AUTS2: variants seen among roughly 807,000 people sequenced by gnomAD.
The protein encoded by AUTS2 is activator of transcription and developmental regulator AUTS2, also known as autism susceptibility gene 2 protein.
AUTS2 carries 17 observed loss-of-function variants against 112.4 expected under a neutral mutation model. The ratio of observed to expected loss-of-function variants is 0.15; its 90% CI spans 0.10 to 0.23. The LOEUF is 0.23. AUTS2 is among the 10% of genes least tolerant of loss of function. The pLI is 1.00. For missense variants in AUTS2, 1,510 were observed against 1,701.6 expected, an observed-to-expected ratio of 0.89 and a Z score of 1.98; for synonymous variants, 751 against 702.7, an observed-to-expected ratio of 1.07 and a Z score of -1.09.
At chr7:70,585,998 G>T (rs909888636) in intron 5 of AUTS2, among the ~76,000 whole-genome samples, 7 of 151,992 alleles carry the variant, frequency 4.6e-5, no homozygotes, top group African/African-American at 1.7e-4. Flanking sequence ...AAGTAGCTGG[G>T]ATTACAAGCA....
chr7:70,004,377 T>C (rs1042908164), intron 2 of AUTS2, among the ~76,000 whole-genome samples: 3 of 117,904 alleles, frequency 2.5e-5, no homozygotes, highest in Non-Finnish European at 5.0e-5. Flanking sequence ...TATATATTCA[T>C]ATATATATTA....
intron 2 of AUTS2, among the ~76,000 whole-genome samples, chr7:69,957,542 T>C (rs989389247): frequency 3.3e-5 from 5 of 152,208 alleles, no homozygotes; most frequent in African/African-American, 1.2e-4. Flanking sequence ...TTTTATGATA[T>C]ATGTGATATA....
intron 1 of AUTS2, among the ~76,000 whole-genome samples, chr7:69,708,279 A>G (rs1006615854): frequency 6.6e-6 from 1 of 150,660 alleles, no homozygotes; most frequent in Non-Finnish European, 1.5e-5. Flanking sequence ...TTCTTTTTTC[A>G]TGGATGATCG....
chr7:70,478,620 G>A (rs181637992), intron 5 of AUTS2, among the ~76,000 whole-genome samples: 10 of 152,086 alleles, frequency 6.6e-5, no homozygotes, highest in East Asian at 5.8e-4. Context: ...CACCACCAAC[G>A]TCATCCACCT....
chr7:69,807,374 A>T (rs1172233164), intron 1 of AUTS2, among the ~76,000 whole-genome samples: 1 of 152,190 alleles, frequency 6.6e-6, no homozygotes, highest in Non-Finnish European at 1.5e-5. Context: ...ACCATCTTAA[A>T]ACAGCAAACT....
chr7:70,060,848 C>G (rs1054772564), intron 2 of AUTS2, among the ~76,000 whole-genome samples: 2 of 152,182 alleles, frequency 1.3e-5, no homozygotes, highest in Admixed American at 1.3e-4. Context: ...GCTGCATTCC[C>G]CAGCCTCCCT....
At chr7:70,440,934 CACA>C (rs1284653467) in intron 5 of AUTS2, among the ~76,000 whole-genome samples, 2 of 152,162 alleles carry the variant, frequency 1.3e-5, no homozygotes, top group African/African-American at 4.8e-5. Flanking sequence ...AATTTTGGTA[CACA>C]ACTGGTTTTG....
chr7:69,921,127 T>C (rs185349731), intron 2 of AUTS2, among the ~76,000 whole-genome samples: 17 of 152,314 alleles, frequency 1.1e-4, no homozygotes, highest in African/African-American at 4.1e-4. Context: ...TGGTTTGTTT[T>C]CTTATTGTTA....
intron 4 of AUTS2, among the ~76,000 whole-genome samples, chr7:70,323,537 G>T: frequency 6.6e-6 from 1 of 152,138 alleles, no homozygotes; most frequent in Non-Finnish European, 1.5e-5. Context: ...GGTAAAATGG[G>T]TTATGATTTT....
intron 2 of AUTS2, among the ~76,000 whole-genome samples, chr7:70,108,122 T>C (rs1804871211): frequency 6.6e-6 from 1 of 152,138 alleles, no homozygotes; most frequent in South Asian, 2.1e-4. Context: ...TTTAGTGACA[T>C]ATAGTTTATT....
At chr7:69,944,173 A>G (rs1796724959) in intron 2 of AUTS2, among the ~76,000 whole-genome samples, 1 of 152,214 alleles carries the variant, frequency 6.6e-6, no homozygotes, top group African/African-American at 2.4e-5. Flanking sequence ...CAGATGGCAT[A>G]GAAACTCGAC....
At chr7:70,301,373 T>C (rs988104547) in intron 4 of AUTS2, among the ~76,000 whole-genome samples, 3 of 152,232 alleles carry the variant, frequency 2.0e-5, no homozygotes, top group Admixed American at 1.3e-4. Context: ...CTCTTTTGTT[T>C]AATTTTTGCA....
chr7:70,271,052 C>T (rs1031460718), intron 4 of AUTS2, among the ~76,000 whole-genome samples: 1 of 152,042 alleles, frequency 6.6e-6, no homozygotes, highest in Non-Finnish European at 1.5e-5. Flanking sequence ...GATGGTTCCA[C>T]CCCGGAGTTC....
At chr7:70,627,120 A>C (rs575757202) in intron 5 of AUTS2, among the ~76,000 whole-genome samples, 1 of 152,302 alleles carries the variant, frequency 6.6e-6, no homozygotes, top group Admixed American at 6.5e-5. Context: ...GAACTAATTT[A>C]CCTTCCCACC....
At chr7:69,695,711 AT>A (rs1797531537) in intron 1 of AUTS2, among the ~76,000 whole-genome samples, 1 of 152,096 alleles carries the variant, frequency 6.6e-6, no homozygotes, top group Admixed American at 6.5e-5. Context: ...GCTTTTGTAT[AT>A]TTTCTGTTTT....
chr7:69,853,950 T>C (rs1792603353), intron 1 of AUTS2, among the ~76,000 whole-genome samples: 2 of 152,190 alleles, frequency 1.3e-5, no homozygotes, highest in East Asian at 1.9e-4. Flanking sequence ...CTAAGTGATA[T>C]ATGAAATCAT....
chr7:70,474,030 G>T (rs180698898), intron 5 of AUTS2, among the ~76,000 whole-genome samples: 1 of 152,078 alleles, frequency 6.6e-6, no homozygotes, highest in African/African-American at 2.4e-5. Context: ...TCTTTTGCCC[G>T]TAGACTCACC....
intron 2 of AUTS2, among the ~76,000 whole-genome samples, chr7:70,025,315 TA>T (rs755920026): frequency 6.6e-6 from 1 of 152,148 alleles, no homozygotes; most frequent in Non-Finnish European, 1.5e-5. Flanking sequence ...GTTCAAACTC[TA>T]ATCTGCCTTT....
chr7:70,295,237 A>G (rs991745475), intron 4 of AUTS2, among the ~76,000 whole-genome samples: 1 of 152,154 alleles, frequency 6.6e-6, no homozygotes, highest in African/African-American at 2.4e-5. Context: ...TTCAGCACCT[A>G]TCTGTCTATT....
Sources: gnomAD v4.1 joint callset for allele counts (sites outside exome capture counted in the v4.1 genomes callset) on GRCh38, gnomAD v4.1.1 for gene constraint, MANE v1.5 for transcripts, NCBI Gene and HGNC (gene_info 2026-07-23, HGNC 2026-07-21) for gene names.